Variants in LRRC8C observed in about 807,000 individuals in gnomAD.
LRRC8C encodes leucine rich repeat containing 8 VRAC subunit C, also known as volume-regulated anion channel subunit LRRC8C.
LRRC8C carries 20 observed loss-of-function variants against 55.3 expected under a neutral mutation model. That is an observed-to-expected ratio of 0.36 (90% CI 0.25 to 0.53). The LOEUF (loss-of-function observed/expected upper bound fraction) is 0.53, where lower values mean the gene tolerates loss of function less well. Ranked by LOEUF, LRRC8C falls within the 20% of genes least tolerant of loss-of-function variation. The pLI, the probability that LRRC8C is intolerant of heterozygous loss-of-function variation, is 0.92. For synonymous variants in LRRC8C, 376 were observed against 360.7 expected, an observed-to-expected ratio of 1.04 and a Z score of -0.48; for missense variants, 659 against 951.4, an observed-to-expected ratio of 0.69 and a Z score of 4.04.
At chr1:89,636,602 G>A (rs1656289819) in intron 1 of LRRC8C, among the ~76,000 whole-genome samples, 1 of 151,816 alleles carries the variant, frequency 6.6e-6, no homozygotes, top group Admixed American at 6.6e-5. Context: ...CCATGACAAT[G>A]CCAGTCTCTC....
intron 1 of LRRC8C, among the ~76,000 whole-genome samples, chr1:89,685,676 C>G (rs2101281730): frequency 6.6e-6 from 1 of 152,152 alleles, no homozygotes; most frequent in Non-Finnish European, 1.5e-5. Flanking sequence ...ACCTCTTTTT[C>G]CCTTTTCCCA....
intron 1 of LRRC8C, among the ~76,000 whole-genome samples, chr1:89,663,569 C>CAAA (rs59206016): frequency 2.2e-4 from 17 of 78,150 alleles, no homozygotes; most frequent in African/African-American, 5.6e-4. Flanking sequence ...GACTCTGTCT[C>CAAA]AAAAAAAAAA....
chr1:89,654,388 A>G (rs886086420), intron 1 of LRRC8C, among the ~76,000 whole-genome samples: 2 of 152,180 alleles, frequency 1.3e-5, no homozygotes, highest in Non-Finnish European at 2.9e-5. Context: ...ATGTAGCAAA[A>G]TTGCACGTGT....
intron 1 of LRRC8C, among the ~76,000 whole-genome samples, chr1:89,640,784 G>A (rs929986795): frequency 6.6e-6 from 1 of 152,178 alleles, no homozygotes; most frequent in Admixed American, 6.5e-5. Flanking sequence ...TGAGGATCTG[G>A]ATGGCATAAT....
chr1:89,628,292 A>G (rs1478338392), upstream of LRRC8C, among the ~76,000 whole-genome samples: 1 of 152,228 alleles, frequency 6.6e-6, no homozygotes. Flanking sequence ...AGGCAAATTA[A>G]CAAGAGAAAA....
chr1:89,656,412 G>A (rs1044532067), intron 1 of LRRC8C, among the ~76,000 whole-genome samples: 1 of 152,154 alleles, frequency 6.6e-6, no homozygotes, highest in African/African-American at 2.4e-5. Flanking sequence ...ATTGGTATTA[G>A]CTATCGAGGC....
chr1:89,642,512 C>T (rs933634814), intron 1 of LRRC8C, among the ~76,000 whole-genome samples: 9 of 152,136 alleles, frequency 5.9e-5, no homozygotes, highest in African/African-American at 1.9e-4. Flanking sequence ...GTCAGGAGTT[C>T]GAGACCAGCC....
At chr1:89,676,124 T>C (rs1289122166) in intron 1 of LRRC8C, 1 of 152,248 alleles carries the variant, frequency 6.6e-6, no homozygotes, top group African/African-American at 2.4e-5. Context: ...AATTAAAGCT[T>C]TCTTTTAAGA....
At chr1:89,695,688 T>C (rs1050248723) in intron 2 of LRRC8C, among the ~76,000 whole-genome samples, 9 of 152,226 alleles carry the variant, frequency 5.9e-5, no homozygotes, top group Non-Finnish European at 1.0e-4. Context: ...AAACCTTATA[T>C]GCTCACTGGA....
the LRRC8C span, among the ~76,000 whole-genome samples, chr1:89,620,072 C>G: frequency 6.6e-6 from 1 of 152,168 alleles, no homozygotes; most frequent in Non-Finnish European, 1.5e-5. Flanking sequence ...AAGTTCGGGT[C>G]AAGTCACCAG....
At chr1:89,707,718 C>A (rs1251620091) in intron 2 of LRRC8C, among the ~76,000 whole-genome samples, 1 of 151,758 alleles carries the variant, frequency 6.6e-6, no homozygotes, top group African/African-American at 2.4e-5. Context: ...AAAGGTATTT[C>A]TATCTCAAAA....
At chr1:89,623,270 A>G in the LRRC8C span, among the ~76,000 whole-genome samples, 9 of 152,236 alleles carry the variant, frequency 5.9e-5, no homozygotes, top group African/African-American at 1.9e-4. Flanking sequence ...AAAATAAAAT[A>G]GAATATAAAA....
At chr1:89,641,903 C>T (rs946374906) in intron 1 of LRRC8C, among the ~76,000 whole-genome samples, 6 of 152,228 alleles carry the variant, frequency 3.9e-5, no homozygotes, top group South Asian at 2.1e-4. Flanking sequence ...TAAAAGGTAC[C>T]GCAAGAGGAG....
chr1:89,670,557 C>A (rs1265118606), intron 1 of LRRC8C, among the ~76,000 whole-genome samples: 1 of 151,962 alleles, frequency 6.6e-6, no homozygotes, highest in Non-Finnish European at 1.5e-5. Flanking sequence ...ATTACAAATC[C>A]CACTGAAGAT....
chr1:89,640,728 G>T (rs546125396), intron 1 of LRRC8C, among the ~76,000 whole-genome samples: 2 of 152,292 alleles, frequency 1.3e-5, no homozygotes, highest in South Asian at 2.1e-4. Flanking sequence ...GCAGCTGGAG[G>T]TATGTCCAGG....
chr1:89,654,004 T>G (rs1255200840), intron 1 of LRRC8C, among the ~76,000 whole-genome samples: 1 of 152,184 alleles, frequency 6.6e-6, no homozygotes, highest in Non-Finnish European at 1.5e-5. Context: ...AATGGATGAC[T>G]GGATAAAGAA....
At chr1:89,635,106 A>G (rs529803152) in intron 1 of LRRC8C, among the ~76,000 whole-genome samples, 33 of 152,222 alleles carry the variant, frequency 2.2e-4, no homozygotes, top group Non-Finnish European at 4.0e-4. Context: ...TTTAGTGAAA[A>G]TAATGCATTA....
chr1:89,660,314 CAG>C (rs1350980175), intron 1 of LRRC8C, among the ~76,000 whole-genome samples: 2 of 152,044 alleles, frequency 1.3e-5, no homozygotes, highest in African/African-American at 4.8e-5. Flanking sequence ...ACAGAAGAAA[CAG>C]ATGTTTTGGG....
chr1:89,672,665 C>G (rs989363624), intron 1 of LRRC8C, among the ~76,000 whole-genome samples: 31 of 152,172 alleles, frequency 2.0e-4, no homozygotes, highest in African/African-American at 7.5e-4. Context: ...CCCCATTCCC[C>G]TACATCCCAT....
Sources: gnomAD v4.1 joint callset for allele counts (sites outside exome capture counted in the v4.1 genomes callset) on GRCh38, gnomAD v4.1.1 for gene constraint, MANE v1.5 for transcripts, NCBI Gene and HGNC (gene_info 2026-07-23, HGNC 2026-07-21) for gene names.